SEMA3D: variants seen among roughly 807,000 people sequenced by gnomAD.
The protein encoded by SEMA3D is semaphorin-3D.
Under a neutral mutation model 100.1 loss-of-function variants are expected in SEMA3D, and 84 were observed. That is an observed-to-expected ratio of 0.84 (90% confidence interval 0.70 to 1.01). The LOEUF (loss-of-function observed/expected upper bound fraction) is 1.01. Among genes scored for constraint, SEMA3D ranks in the 50% least tolerant of loss-of-function variants. The pLI, the probability that SEMA3D is intolerant of heterozygous loss-of-function variation, is 0.00. For missense variants in SEMA3D, 875 were observed against 934.1 expected (o/e 0.94, Z 0.82); for synonymous variants, 312 against 320.7 (o/e 0.97, Z 0.29).
At chr7:85,157,687 A>G (rs1790637229) in intron 1 of SEMA3D, 1 of 977,808 alleles carries the variant, frequency 1.0e-6, no homozygotes, top group Non-Finnish European at 1.2e-6. Context: ...AAACAAAACA[A>G]GCCAACAAAG....
chr7:85,000,441 C>T (rs538693782), intron 18 of SEMA3D, among the ~76,000 whole-genome samples: 6 of 152,246 alleles, frequency 3.9e-5, no homozygotes, highest in Admixed American at 1.3e-4. Flanking sequence ...ATGATGACGT[C>T]TTTAAAGTCA....
At chr7:85,194,495 T>G in the SEMA3D span, among the ~76,000 whole-genome samples, 1 of 83,454 alleles carries the variant, frequency 1.2e-5, no homozygotes, top group African/African-American at 7.0e-5. Context: ...ACTGTTGATA[T>G]GCAAACAGAA....
intron 9 of SEMA3D, among the ~76,000 whole-genome samples, chr7:85,043,916 C>A (rs577628340): frequency 6.8e-4 from 104 of 152,156 alleles, no homozygotes; most frequent in African/African-American, 2.4e-3. Flanking sequence ...ATGTCTTTAT[C>A]AGAAGCGTGA....
At chr7:85,237,093 A>G in the SEMA3D span, among the ~76,000 whole-genome samples, 1 of 152,248 alleles carries the variant, frequency 6.6e-6, no homozygotes, top group African/African-American at 2.4e-5. Flanking sequence ...TCATGCACTC[A>G]TAATTAAGGG....
intron 2 of SEMA3D, among the ~76,000 whole-genome samples, chr7:85,147,395 C>G (rs1179758614): frequency 1.3e-5 from 2 of 152,018 alleles, no homozygotes; most frequent in Non-Finnish European, 2.9e-5. Context: ...GGTGATTCAC[C>G]CACCTCAGCC....
At chr7:85,176,793 T>TAGAGAG (rs71297126) in intron 1 of SEMA3D, among the ~76,000 whole-genome samples, 5 of 149,974 alleles carry the variant, frequency 3.3e-5, no homozygotes, top group South Asian at 2.1e-4. Context: ...TATATATATA[T>TAGAGAG]AGAGAGAGAG....
At chr7:85,038,952 C>T (rs1790778217) in intron 11 of SEMA3D, among the ~76,000 whole-genome samples, 2 of 152,014 alleles carry the variant, frequency 1.3e-5, no homozygotes, top group Admixed American at 1.3e-4. Flanking sequence ...GATTGTGCCA[C>T]AGAAAAAAGT....
At chr7:85,123,359 A>G (rs1008080112) in intron 2 of SEMA3D, among the ~76,000 whole-genome samples, 1 of 152,148 alleles carries the variant, frequency 6.6e-6, no homozygotes. Flanking sequence ...GATCATAATA[A>G]AAAAAGCATT....
At chr7:85,028,859 CA>C in intron 12 of SEMA3D, 1 of 239,528 alleles carries the variant, frequency 4.2e-6, no homozygotes. Flanking sequence ...ATTGTATCCC[CA>C]AGATTTAGTA....
At chr7:85,083,796 G>A (rs1462067439) in intron 4 of SEMA3D, among the ~76,000 whole-genome samples, 18 of 144,376 alleles carry the variant, frequency 1.2e-4, no homozygotes, top group South Asian at 6.6e-4. Flanking sequence ...GCAGTGAGCC[G>A]AGATCGCGCC....
intron 3 of SEMA3D, among the ~76,000 whole-genome samples, 171 bp from the exon 4 acceptor site, chr7:85,098,136 A>T (rs1027231845): frequency 4.6e-5 from 7 of 151,824 alleles, no homozygotes; most frequent in Non-Finnish European, 1.0e-4. Context: ...AGTAATAGGC[A>T]AAATATTTAC....
intron 2 of SEMA3D, among the ~76,000 whole-genome samples, chr7:85,133,058 CTTCT>C (rs1324845729): frequency 6.6e-6 from 1 of 151,906 alleles, no homozygotes; most frequent in Non-Finnish European, 1.5e-5. Context: ...GAAATTTCAG[CTTCT>C]TTATCAGGCA....
the SEMA3D span, among the ~76,000 whole-genome samples, chr7:85,213,400 A>G: frequency 6.6e-6 from 1 of 152,210 alleles, no homozygotes; most frequent in Admixed American, 6.5e-5. Context: ...CCAAAATGGT[A>G]TTCTTCACAT....
At chr7:85,167,426 A>G (rs1355728309) in intron 1 of SEMA3D, 1 of 975,800 alleles carries the variant, frequency 1.0e-6, no homozygotes, top group African/African-American at 1.8e-5. Context: ...TCACCTTTGA[A>G]TGATATAATT....
intron 12 of SEMA3D, chr7:85,028,384 CAAAAAAAAA>C (rs61589019): frequency 1.7e-5 from 3 of 181,680 alleles, no homozygotes; most frequent in Admixed American, 9.8e-5. Flanking sequence ...ACAGTTTAGA[CAAAAAAAAA>C]AAAAAAAAAA....
At chr7:85,167,223 G>A in intron 1 of SEMA3D, 1 of 950,362 alleles carries the variant, frequency 1.1e-6, no homozygotes, top group Non-Finnish European at 1.3e-6. Context: ...GTTATAATAG[G>A]CTGAAACATT....
intron 4 of SEMA3D, among the ~76,000 whole-genome samples, chr7:85,089,277 G>A (rs1788308983): frequency 6.6e-6 from 1 of 151,996 alleles, no homozygotes; most frequent in Non-Finnish European, 1.5e-5. Flanking sequence ...TATCTTCTAG[G>A]TAGAGCTTGT....
chr7:85,182,400 T>C (rs891082826), intron 1 of SEMA3D, among the ~76,000 whole-genome samples: 3 of 152,124 alleles, frequency 2.0e-5, no homozygotes, highest in Non-Finnish European at 4.4e-5. Flanking sequence ...AATTTGACTT[T>C]ACAGTCAATA....
intron 9 of SEMA3D, among the ~76,000 whole-genome samples, chr7:85,047,264 G>A (rs990215231): frequency 1.3e-5 from 2 of 151,808 alleles, no homozygotes; most frequent in African/African-American, 2.4e-5. Context: ...TGCATGTTAC[G>A]AATTACTAAG....
Sources: allele counts gnomAD v4.1 joint callset (sites outside exome capture counted in the v4.1 genomes callset), GRCh38; gene constraint gnomAD v4.1.1; transcripts MANE v1.5; gene names NCBI Gene and HGNC (gene_info 2026-07-23, HGNC 2026-07-21).